Variants in E2F1 observed in about 807,000 individuals in gnomAD.
E2F1 encodes transcription factor E2F1.
Under a neutral mutation model 36.9 loss-of-function variants are expected in E2F1, and 7 were observed. The observed-to-expected ratio is 0.19, with a 90% CI of 0.11 to 0.36. E2F1 has a LOEUF of 0.36. E2F1 is among the 10% of genes least tolerant of loss of function. E2F1 has a pLI of 1.00. For missense variants in E2F1, 406 were observed against 573.6 expected (o/e 0.71, Z 2.99); for synonymous variants, 261 against 263.1 (o/e 0.99, Z 0.08).
chr20:33,677,617 A>C, intron 4 of E2F1, 77 bp from the exon 5 acceptor site: 13 of 1,134,450 alleles, frequency 1.1e-5, no homozygotes, highest in African/African-American at 1.5e-5. Context: ...GGCAGGGCTC[A>C]CACCTGCCTA....
chr20:33,677,069 GC>G, intron 6 of E2F1, 35 bp downstream of exon 6: 1 of 1,589,020 alleles, frequency 6.3e-7, no homozygotes, highest in South Asian at 1.2e-5. Context: ...CAGAAGAGGG[GC>G]CCTGCCCCAC....
At position 33,686,316 on chromosome 20, in the gene E2F1, C is replaced by A; in HGVS notation, c.-52G>T. 1 of 994,184 alleles carries A rather than the reference C, an allele frequency of 1.0e-6. No individual in the cohort carries two copies. The highest frequency in any genetic ancestry group is 6.1e-5 in the Admixed American group (1 of 16,510). The allele number at this position is 994,184 out of a possible 1,614,324, so 61.6% of individuals were successfully genotyped here. ...TGACAGGCGGCGGCGGCGGCGCGGG[C>A]CCATGGCGGCAGGCCTCGGCGAGGG... On this transcript the variant is annotated 5_prime_UTR_variant, in exon 1 of 7. Transcript: ENST00000343380.
rs3213178 is a variant in E2F1, at chr20:33,676,723, C to T, written c.*9G>A. On this transcript the variant is annotated 3_prime_UTR_variant, in exon 7 of 7. Coordinates refer to ENST00000343380, the MANE Select transcript of E2F1 (RefSeq NM_005225.3). ...GCATCTCTGGAAACCCTGGTCCCTC[C>T]AAGCCCTGTCAGAAATCCAGGGGGG... 3.4e-5 allele frequency: 54 copies of T among 1,603,630 alleles called. No homozygotes were observed. In the African/African-American group the frequency reaches 6.8e-4, roughly 20 times the overall value.
chr20:33,678,585 A>G (rs950371127), intron 3 of E2F1, among the ~76,000 whole-genome samples: 1 of 152,162 alleles, frequency 6.6e-6, no homozygotes, highest in African/African-American at 2.4e-5. Context: ...GGGATAAACA[A>G]ATGATGGGAC....
At chr20:33,683,216 C>T (rs780651003) in intron 1 of E2F1, among the ~76,000 whole-genome samples, 3 of 151,800 alleles carry the variant, frequency 2.0e-5, no homozygotes, top group South Asian at 2.1e-4. Flanking sequence ...TTTGGGAGGC[C>T]GAGGCGGGCA....
rs561857442 is a variant in E2F1 at position 33,680,503 on chromosome 20, C to T, written c.262-87G>A. On this transcript the variant is annotated intron_variant, in intron 1 of 6. Coordinates refer to ENST00000343380, the MANE Select transcript of E2F1 (RefSeq NM_005225.3). ...AGGCTGGGTGCCTCTGGGCTACCCT[C>T]GCCTCAGTTTCTCTAGCAGGATGCC... is the stretch of plus-strand genomic sequence containing the variant. 2.5e-5 allele frequency: 29 copies of T among 1,177,406 alleles called. 1 individual carries two copies. Among genetic ancestry groups the T allele is most frequent in the Admixed American group, 1.7e-4 (8 of 47,584 alleles). The allele number at this position is 1,177,406 out of a possible 1,614,324, so 72.9% of individuals were successfully genotyped here. A position where few individuals can be genotyped will look rare whatever the true frequency, so the allele number is the denominator to read the frequency against.
chr20:33,677,104 C>T lies in E2F1; in HGVS notation c.1066+1G>A. ...ACCCCACCCACCTACCCATCACCCACCTTGCTCCAGGCTGAGTAGAGACTG... is the reference window on the plus strand; with the variant it reads ...ACCCCACCCACCTACCCATCACCCATCTTGCTCCAGGCTGAGTAGAGACTG... On this transcript the variant is annotated splice_donor_variant, in intron 6 of 6. Coordinates refer to ENST00000343380, the MANE Select transcript of E2F1 (RefSeq NM_005225.3). LOFTEE classifies it high-confidence loss of function. 6.2e-7 allele frequency: 1 copy of T among 1,610,302 alleles called. No homozygotes were observed. Among genetic ancestry groups the T allele is most frequent in the South Asian group, 1.1e-5 (1 of 90,666 alleles).
intron 1 of E2F1, among the ~76,000 whole-genome samples, chr20:33,684,621 G>A (rs2018048238): frequency 1.3e-5 from 2 of 152,194 alleles, no homozygotes; most frequent in South Asian, 2.1e-4. Context: ...TGCTGATGGG[G>A]TTAAATGAGT....
At position 33,686,324 on chromosome 20, in the gene E2F1, G is replaced by A. The variant is rs866357118; in HGVS notation, c.-60C>T. The A allele has an allele frequency of 8.3e-5, 82 of 993,496 alleles. 1 individual carries two copies. The Middle Eastern group carries it at 2.0e-3, about 25-fold the overall frequency. The allele number at this position is 993,496 out of a possible 1,614,324, so 61.5% of individuals were successfully genotyped here. A position where few individuals can be genotyped will look rare whatever the true frequency, so the allele number is the denominator to read the frequency against. On this transcript the variant is annotated 5_prime_UTR_variant, in exon 1 of 7. Coordinates refer to ENST00000343380, the MANE Select transcript of E2F1 (RefSeq NM_005225.3). The stretch of plus-strand genomic sequence containing the variant: ...GGCGGCGGCGGCGCGGGCCCATGGC[G>A]GCAGGCCTCGGCGAGGGCTCGATCC...
At chr20:33,678,879 T>C (rs2017991910) in intron 3 of E2F1, among the ~76,000 whole-genome samples, 1 of 152,128 alleles carries the variant, frequency 6.6e-6, no homozygotes, top group Non-Finnish European at 1.5e-5. Context: ...AGGTTGAGGC[T>C]GCAGTGAGCT....
Position 33,679,906 on chromosome 20 carries a change from C to T in E2F1, c.421G>A (p.Glu141Lys). The T allele has an allele frequency of 2.5e-6, 4 of 1,614,218 alleles. No homozygotes were observed. The highest frequency in any genetic ancestry group is 3.4e-6 in the Non-Finnish European group (4 of 1,180,026). Residue 141 changes from glutamate to lysine, a missense_variant, in exon 3 of 7, where the codon GAG (glutamate) becomes AAG (lysine). By Grantham distance (56) the Glu-to-Lys change is moderately conservative. This residue lies in a region of E2F1 where 77 missense variants were observed against 131.7 expected (regional missense o/e 0.58). Coordinates refer to ENST00000343380, the MANE Select transcript of E2F1 (RefSeq NM_005225.3). The surrounding 1 kb of genome is among the most constrained non-coding windows in gnomAD (Gnocchi z 4.6). ...CCGTCAGCCGAGTGGCTCAGCAGCTCCAGGAAGCGCTTGGTGGTCAGATTC... is the reference window on the plus strand; with the variant it reads ...CCGTCAGCCGAGTGGCTCAGCAGCTTCAGGAAGCGCTTGGTGGTCAGATTC... ...SLNLTTKRFL[E>K]LLSHSADGVV...
At chr20:33,685,909 G>GC in intron 1 of E2F1, 95 bp downstream of exon 1, 2 of 1,022,700 alleles carry the variant, frequency 2.0e-6, no homozygotes, top group Non-Finnish European at 2.4e-6. Context: ...CCCCTCCCCC[G>GC]CCCCCTGCCG....
intron 1 of E2F1, among the ~76,000 whole-genome samples, chr20:33,683,485 G>A (rs1228423174): frequency 6.8e-6 from 1 of 146,444 alleles, no homozygotes; most frequent in Non-Finnish European, 1.5e-5. Flanking sequence ...TAAGAGTTAA[G>A]TTTTCAGCTG....
rs984482701 is a variant in E2F1, at chr20:33,686,031, C to G, written c.234G>C (p.Ala78=). Residue 78 remains alanine, a synonymous_variant, in exon 1 of 7, where the codon GCG becomes GCC. Coordinates refer to ENST00000343380, the MANE Select transcript of E2F1 (RefSeq NM_005225.3). The stretch of plus-strand genomic sequence containing the variant: ...GCGGGCGGCCGAGCGCGGGCCGCGG[C>G]GCACTGGGTGTGGGCCGGGGCGCCT... The part of the protein sequence containing the change: ...TPQAPRPTPS[A]PRPALGRPPV... 2.7e-4 allele frequency: 303 copies of G among 1,133,460 alleles called. 1 individual carries two copies. The African/African-American group carries it at 4.4e-3, about 17-fold the overall frequency. The allele number at this position is 1,133,460 out of a possible 1,614,324, so 70.2% of individuals were successfully genotyped here.
rs1491330717 is a variant in E2F1 at position 33,676,371 on chromosome 20, ATG to A, written c.*359_*360del. On this transcript the variant is annotated 3_prime_UTR_variant, in exon 7 of 7. Transcript: ENST00000343380. ...AGTTAGAGCCCCCCCACGCGCACACATGGACTCATGCACACACATGTGGACAC... is the reference window on the plus strand; with the variant it reads ...AGTTAGAGCCCCCCCACGCGCACACAGACTCATGCACACACATGTGGACAC... 1 of 188,492 alleles carries A rather than the reference ATG, an allele frequency of 5.3e-6. No homozygotes were observed. Among genetic ancestry groups the A allele is most frequent in the Non-Finnish European group, 1.1e-5 (1 of 91,436 alleles). 11.7% of individuals were successfully genotyped at this position (188,492 alleles called of 1,614,324 possible). A position where few individuals can be genotyped will look rare whatever the true frequency, so the allele number is the denominator to read the frequency against.
chr20:33,682,245 C>T (rs1201855033), intron 1 of E2F1, among the ~76,000 whole-genome samples: 5 of 152,094 alleles, frequency 3.3e-5, no homozygotes, highest in African/African-American at 1.2e-4. Flanking sequence ...TGCTGATGAA[C>T]CACTCCCTCT....
In E2F1 at chr20:33,680,318, A is replaced by G; in HGVS notation, c.352+8T>C. 1 of 1,613,950 alleles carries G rather than the reference A, an allele frequency of 6.2e-7. No individual in the cohort carries two copies. The highest frequency in any genetic ancestry group is 8.5e-7 in the Non-Finnish European group (1 of 1,179,860). ...AGGGGGTCTGCCCAGCCCAAGCTCC[A>G]TAGGTACCTTTTCCTGGATGGCGGC... On this transcript the variant is annotated splice_region_variant and intron_variant, in intron 2 of 6. Transcript: ENST00000343380.
chr20:33,683,590 TG>T (rs754767265), intron 1 of E2F1, among the ~76,000 whole-genome samples: 4 of 150,686 alleles, frequency 2.7e-5, no homozygotes, highest in Non-Finnish European at 5.9e-5. Flanking sequence ...CTGGGCAACA[TG>T]GCAAGACCCT....
At chr20:33,677,006 C>T (rs200825658) in intron 6 of E2F1, 27 bp from the exon 7 acceptor site, 25 of 1,557,282 alleles carry the variant, frequency 1.6e-5, no homozygotes, top group South Asian at 6.0e-5. Context: ...CATCACAGGC[C>T]GGGGATGCCC....
Sources: allele counts gnomAD v4.1 joint callset (sites outside exome capture counted in the v4.1 genomes callset), GRCh38; gene constraint gnomAD v4.1.1; regional missense constraint gnomAD v4.1.1; non-coding constraint Gnocchi (gnomAD v3.1); transcripts MANE v1.5; gene names NCBI Gene and HGNC (gene_info 2026-07-23, HGNC 2026-07-21).